The following PTGER4 variants were observed in gnomAD, a reference collection of about 807,000 sequenced individuals.
PTGER4 encodes prostaglandin E2 receptor EP4 subtype.
Under a neutral mutation model 33.2 loss-of-function variants are expected in PTGER4, and 11 were observed. That is an observed-to-expected ratio of 0.33 (90% CI 0.21 to 0.55). The LOEUF (loss-of-function observed/expected upper bound fraction) is 0.55. Among genes scored for constraint, PTGER4 ranks in the 20% least tolerant of loss-of-function variants. The pLI is 0.92. For synonymous variants in PTGER4, 275 were observed against 281.5 expected (o/e 0.98, Z 0.23); for missense variants, 481 against 650.2 (o/e 0.74, Z 2.83).
the PTGER4 span, among the ~76,000 whole-genome samples, chr5:40,734,419 CT>C: frequency 6.6e-6 from 1 of 152,166 alleles, no homozygotes; most frequent in Admixed American, 6.5e-5. Flanking sequence ...TGACCAAAGT[CT>C]GATTCCGCCA....
the PTGER4 span, among the ~76,000 whole-genome samples, chr5:40,717,229 CAAAAAA>C: frequency 2.8e-5 from 3 of 108,902 alleles, no homozygotes; most frequent in Admixed American, 3.1e-4. Context: ...AACTCCATCT[CAAAAAA>C]AAAAAAAAAA....
At chr5:40,742,080 C>T in the PTGER4 span, among the ~76,000 whole-genome samples, 1 of 152,138 alleles carries the variant, frequency 6.6e-6, no homozygotes, top group African/African-American at 2.4e-5. Flanking sequence ...ATGCTGACTA[C>T]TGTCCAATGG....
In PTGER4 at chr5:40,692,449, C is replaced by A. The variant is rs542337851; in HGVS notation, c.*71C>A. 5.4e-5 allele frequency: 82 copies of A among 1,506,288 alleles called. No individual in the cohort carries two copies. The South Asian group carries it at 1.0e-3, about 19-fold the overall frequency. 93.3% of individuals were successfully genotyped at this position (1,506,288 alleles called of 1,614,324 possible). On this transcript the variant is annotated 3_prime_UTR_variant, in exon 3 of 3. Coordinates refer to ENST00000302472, the MANE Select transcript of PTGER4 (RefSeq NM_000958.3). ...TCCTGTGCAATAGACACATACATGTCACATTTAGCTGTGCTCAGAAGGGCT... is the reference window on the plus strand; with the variant it reads ...TCCTGTGCAATAGACACATACATGTAACATTTAGCTGTGCTCAGAAGGGCT...
the PTGER4 span, among the ~76,000 whole-genome samples, chr5:40,713,329 CATT>C: frequency 6.6e-6 from 1 of 152,068 alleles, no homozygotes; most frequent in African/African-American, 2.4e-5. Context: ...GCTTTTGAAT[CATT>C]ATGTAATTTT....
In PTGER4 at chr5:40,691,960, G is replaced by A. The variant is rs769375242; in HGVS notation, c.1049G>A (p.Arg350His). ...AIEKIKCLFCRIGGSRRERSG... is the reference protein window; with the variant it reads ...AIEKIKCLFCHIGGSRRERSG... Reference sequence around the variant, plus strand: ...GAGAAGATCAAATGCCTCTTCTGCCGCATTGGCGGGTCCCGCAGGGAGCGC... The same window carrying A: ...GAGAAGATCAAATGCCTCTTCTGCCACATTGGCGGGTCCCGCAGGGAGCGC... Residue 350 changes from arginine (R) to histidine (H), a missense_variant, in exon 3 of 3, where the codon CGC becomes CAC. This residue lies in a region of PTGER4 where 172 missense variants were observed against 199.2 expected (regional missense o/e 0.86). Transcript: ENST00000302472. This position sits in a 1 kb window ranked among gnomAD's most constrained non-coding sequence, Gnocchi z 4.2. 28 of 1,614,050 alleles carry A rather than the reference G, an allele frequency of 1.7e-5. No homozygotes were observed. Among genetic ancestry groups the A allele is most frequent in the Middle Eastern group, 1.6e-4 (1 of 6,084 alleles).
chr5:40,736,759 T>A, the PTGER4 span, among the ~76,000 whole-genome samples: 7 of 152,188 alleles, frequency 4.6e-5, no homozygotes, highest in African/African-American at 1.7e-4. Flanking sequence ...AAGATATGTA[T>A]CACCATTTGA....
the PTGER4 span, among the ~76,000 whole-genome samples, chr5:40,711,620 C>T: frequency 6.6e-6 from 1 of 152,024 alleles, no homozygotes; most frequent in African/African-American, 2.4e-5. Context: ...TAGATCAAAA[C>T]TTGAAACAAC....
the PTGER4 span, among the ~76,000 whole-genome samples, chr5:40,746,255 G>T: frequency 6.6e-6 from 1 of 152,008 alleles, no homozygotes; most frequent in Non-Finnish European, 1.5e-5. Context: ...AAAAGAAATG[G>T]GTGCATATAG....
chr5:40,721,040 C>G, the PTGER4 span, among the ~76,000 whole-genome samples: 1 of 152,156 alleles, frequency 6.6e-6, no homozygotes, highest in Admixed American at 6.5e-5. Context: ...GTTCCCCCAG[C>G]TTGGCATACA....
At chr5:40,700,729 G>T in the PTGER4 span, among the ~76,000 whole-genome samples, 1 of 151,594 alleles carries the variant, frequency 6.6e-6, no homozygotes. Context: ...AGGCAGCTCA[G>T]GAGTGCCAAG....
chr5:40,703,722 G>A, the PTGER4 span, among the ~76,000 whole-genome samples: 3 of 151,618 alleles, frequency 2.0e-5, no homozygotes, highest in South Asian at 6.2e-4. Flanking sequence ...GGCCAACATG[G>A]TGAAACCCCA....
chr5:40,711,373 C>T, the PTGER4 span, among the ~76,000 whole-genome samples: 2 of 152,050 alleles, frequency 1.3e-5, no homozygotes, highest in African/African-American at 4.8e-5. Context: ...ATTTAAAAGA[C>T]TGACAATATC....
At chr5:40,746,623 T>C in the PTGER4 span, among the ~76,000 whole-genome samples, 4 of 152,216 alleles carry the variant, frequency 2.6e-5, no homozygotes, top group African/African-American at 7.2e-5. Flanking sequence ...AAAACTATTT[T>C]ACAAACTTTC....
chr5:40,705,309 T>C, the PTGER4 span, among the ~76,000 whole-genome samples: 7 of 152,112 alleles, frequency 4.6e-5, no homozygotes, highest in Admixed American at 3.3e-4. Flanking sequence ...CCTTACACCA[T>C]ATACAAAAAT....
At chr5:40,698,831 T>C in the PTGER4 span, among the ~76,000 whole-genome samples, 2 of 152,024 alleles carry the variant, frequency 1.3e-5, no homozygotes, top group African/African-American at 2.4e-5. Context: ...CATAAGAAAA[T>C]AGTTGATGAG....
intron 2 of PTGER4, among the ~76,000 whole-genome samples, chr5:40,690,606 T>C (rs559966100): frequency 3.9e-5 from 6 of 152,334 alleles, no homozygotes; most frequent in African/African-American, 7.2e-5. Flanking sequence ...ATAAAAACTA[T>C]TCTCTGGTCA....
the PTGER4 span, among the ~76,000 whole-genome samples, chr5:40,714,164 C>A: frequency 6.6e-6 from 1 of 152,194 alleles, no homozygotes; most frequent in East Asian, 1.9e-4. Flanking sequence ...GCTATAGACC[C>A]TGTCAAGAAA....
downstream of PTGER4, among the ~76,000 whole-genome samples, chr5:40,697,225 G>T (rs1292206998): frequency 1.6e-5 from 1 of 61,624 alleles, no homozygotes; most frequent in Non-Finnish European, 3.2e-5. Flanking sequence ...AAAGAAAGAA[G>T]AAAAGAAAGA....
At chr5:40,745,788 G>A in the PTGER4 span, among the ~76,000 whole-genome samples, 1 of 151,180 alleles carries the variant, frequency 6.6e-6, no homozygotes, top group Admixed American at 6.6e-5. Context: ...AGGGTGGAGG[G>A]CAGTGGCAAG....
Sources: allele counts gnomAD v4.1 joint callset (sites outside exome capture counted in the v4.1 genomes callset), GRCh38; gene constraint gnomAD v4.1.1; regional missense constraint gnomAD v4.1.1; non-coding constraint Gnocchi (gnomAD v3.1); transcripts MANE v1.5; gene names NCBI Gene and HGNC (gene_info 2026-07-23, HGNC 2026-07-21).